Variants in SLC12A2 observed in about 807,000 individuals in gnomAD.
SLC12A2 encodes solute carrier family 12 member 2, also known as Na-K-2Cl cotransporter 1.
In SLC12A2, 67 loss-of-function variants were observed where a neutral mutation model predicts 136.3. The observed-to-expected ratio is 0.49, with a 90% CI of 0.40 to 0.60. The LOEUF is 0.60. SLC12A2 is among the 20% of genes least tolerant of loss of function. The probability of loss-of-function intolerance (pLI) is 0.00; values close to 1 mark genes in which losing one functional copy is unlikely to be tolerated. For synonymous variants in SLC12A2, 619 were observed against 562.9 expected (o/e 1.10, Z -1.41); for missense variants, 1,322 against 1,534.7 (o/e 0.86, Z 2.32).
At position 128,183,001 on chromosome 5, in the gene SLC12A2, A is replaced by T. The variant is rs1024767476; in HGVS notation, c.3299+60A>T. On this transcript the variant is annotated intron_variant, in intron 24 of 26. Coordinates refer to ENST00000262461, the MANE Select transcript of SLC12A2 (RefSeq NM_001046.3). ...GATGGCCTACTCAGACACAGATTCA[A>T]CTTAATTAAAACCCAGAGATTTTTT... The T allele has an allele frequency of 2.9e-6, 3 of 1,020,334 alleles. No homozygotes were observed. In the African/African-American group the frequency reaches 4.8e-5, roughly 16 times the overall value. 63.2% of individuals were successfully genotyped at this position (1,020,334 alleles called of 1,614,324 possible).
chr5:128,109,904 C>T (rs924663251), intron 1 of SLC12A2: 1 of 801,760 alleles, frequency 1.2e-6, no homozygotes, highest in Admixed American at 1.7e-5. Flanking sequence ...CTGGCCTTTG[C>T]AAGATAGTGC....
At position 128,083,851 on chromosome 5, in the gene SLC12A2, C is replaced by T. The variant is rs910108284; in HGVS notation, c.-104C>T. ...CGCAGGCGGCGGGGAGAAAGACTCT[C>T]TCACCTGGTCTTGCGGCTGTGGCCA... On this transcript the variant is annotated 5_prime_UTR_variant, in exon 1 of 27. Transcript: ENST00000262461. The T allele has an allele frequency of 2.2e-5, 19 of 865,812 alleles. No homozygotes were observed. The African/African-American group carries it at 3.2e-4, about 14-fold the overall frequency. 53.6% of individuals were successfully genotyped at this position (865,812 alleles called of 1,614,324 possible).
chr5:128,114,143 T>G lies in SLC12A2; in HGVS notation c.877-69T>G, dbSNP rs1194253466. 2.6e-6 allele frequency: 3 copies of G among 1,139,964 alleles called. No individual in the cohort carries two copies. In the African/African-American group the frequency reaches 4.6e-5, roughly 17 times the overall value. The allele number at this position is 1,139,964 out of a possible 1,614,324, so 70.6% of individuals were successfully genotyped here. On this transcript the variant is annotated intron_variant, in intron 2 of 26. Transcript: ENST00000262461. Reference sequence around the variant, plus strand: ...AAATGCATGTTCTACTTTGACTGGTTTAATGCTTACTATATAATGTTTGAT... The same window carrying G: ...AAATGCATGTTCTACTTTGACTGGTGTAATGCTTACTATATAATGTTTGAT...
intron 1 of SLC12A2, among the ~76,000 whole-genome samples, chr5:128,092,804 G>A (rs972597179): frequency 4.6e-5 from 7 of 152,056 alleles, no homozygotes; most frequent in Middle Eastern, 3.2e-3. Flanking sequence ...AACAGTACTT[G>A]GCAGTTTGGT....
At chr5:128,153,794 AT>A (rs1261447795) in intron 15 of SLC12A2, among the ~76,000 whole-genome samples, 5 of 152,026 alleles carry the variant, frequency 3.3e-5, no homozygotes, top group African/African-American at 9.7e-5. Context: ...GTAATTGTTT[AT>A]TTTTTTGTTA....
intron 5 of SLC12A2, 89 bp from the exon 6 acceptor site, chr5:128,134,076 C>T (rs375848828): frequency 2.2e-5 from 15 of 679,822 alleles, no homozygotes; most frequent in African/African-American, 1.3e-4. Context: ...TGTAAGGCAC[C>T]GTAATATCTC....
At chr5:128,143,632 T>G (rs948499320) in intron 10 of SLC12A2, among the ~76,000 whole-genome samples, 1 of 152,044 alleles carries the variant, frequency 6.6e-6, no homozygotes, top group Non-Finnish European at 1.5e-5. Flanking sequence ...AGTTGTTTGT[T>G]AAGTCCTAGG....
intron 14 of SLC12A2, among the ~76,000 whole-genome samples, 154 bp downstream of exon 14, chr5:128,151,550 C>G (rs1049986276): frequency 2.7e-5 from 4 of 147,720 alleles, no homozygotes; most frequent in South Asian, 2.1e-4. Context: ...TTTCCAAACT[C>G]CTAAAGTTTT....
intron 1 of SLC12A2, chr5:128,109,607 A>G: frequency 1.3e-6 from 1 of 748,926 alleles, no homozygotes; most frequent in East Asian, 2.5e-5. Flanking sequence ...AAAAGCAGAC[A>G]TCGTCCTTCC....
intron 22 of SLC12A2, among the ~76,000 whole-genome samples, chr5:128,179,150 T>A (rs566023026): frequency 2.4e-4 from 36 of 152,300 alleles, no homozygotes; most frequent in Non-Finnish European, 4.6e-4. Context: ...ACTGAAAAGT[T>A]ACCCCACCCC....
chr5:128,084,840 T>G lies in SLC12A2; in HGVS notation c.756+130T>G, dbSNP rs1196153399. 1 of 1,062,428 alleles carries G rather than the reference T, an allele frequency of 9.4e-7. No individual in the cohort carries two copies. Among genetic ancestry groups the G allele is most frequent in the Non-Finnish European group, 1.3e-6 (1 of 758,756 alleles). 65.8% of individuals were successfully genotyped at this position (1,062,428 alleles called of 1,614,324 possible). On this transcript the variant is annotated intron_variant, in intron 1 of 26. Transcript: ENST00000262461. The surrounding 1 kb of genome is among the most constrained non-coding windows in gnomAD (Gnocchi z 5.6). ...TGCACGACTTGCTGGCATCTCTGGATTCAGCTGTCAAGGGTGGAATTGCCG... is the reference window on the plus strand; with the variant it reads ...TGCACGACTTGCTGGCATCTCTGGAGTCAGCTGTCAAGGGTGGAATTGCCG...
At chr5:128,143,347 C>G (rs1762430673) in intron 10 of SLC12A2, among the ~76,000 whole-genome samples, 1 of 152,042 alleles carries the variant, frequency 6.6e-6, no homozygotes, top group Non-Finnish European at 1.5e-5. Flanking sequence ...TAAAGTCATG[C>G]AGCATGAAAT....
At chr5:128,120,757 C>T (rs887623316) in intron 4 of SLC12A2, among the ~76,000 whole-genome samples, 1 of 151,886 alleles carries the variant, frequency 6.6e-6, no homozygotes, top group African/African-American at 2.4e-5. Context: ...ACACCTAATG[C>T]TAAATGACGA....
chr5:128,176,005 AT>A (rs146197311), intron 20 of SLC12A2, among the ~76,000 whole-genome samples: 6,111 of 152,042 alleles, frequency 0.04, 453 homozygotes, highest in African/African-American at 0.14. Context: ...TTAGTCAGTT[AT>A]TCTCAGTCAA....
At chr5:128,161,938 T>C (rs1763052637) in intron 17 of SLC12A2, 138 bp downstream of exon 17, 2 of 525,502 alleles carry the variant, frequency 3.8e-6, no homozygotes, top group Non-Finnish European at 3.0e-6. Flanking sequence ...AGTAAACTAC[T>C]TTGGCTCACC....
At chr5:128,184,717 T>TTATAGTTTTATGAACC (rs778846182) in intron 25 of SLC12A2, 72 bp from the exon 26 acceptor site, 11 of 1,603,640 alleles carry the variant, frequency 6.9e-6, no homozygotes, top group Non-Finnish European at 8.5e-6. Flanking sequence ...TTTTGTCTCC[T>TTATAGTTTTATGAACC]TATAGTTTTA....
chr5:128,174,074 G>A (rs1276279478), intron 19 of SLC12A2, among the ~76,000 whole-genome samples: 6 of 152,188 alleles, frequency 3.9e-5, no homozygotes, highest in Middle Eastern at 3.4e-3. Flanking sequence ...CACATACTAT[G>A]TATTACTGTC....
In SLC12A2 at chr5:128,147,873, C is replaced by T. The variant is rs1181557464; in HGVS notation, c.1881+144C>T. ...ATATATATATGCACATAAAGATATA[C>T]ATAGTTAATTTTATATGTGTGAATG... On this transcript the variant is annotated intron_variant, in intron 11 of 26. Transcript: ENST00000262461. 4.1e-5 allele frequency: 18 copies of T among 442,168 alleles called. No homozygotes were observed. The East Asian group carries it at 4.9e-4, about 12-fold the overall frequency. The allele number at this position is 442,168 out of a possible 1,614,324, so 27.4% of individuals were successfully genotyped here. A position where few individuals can be genotyped will look rare whatever the true frequency, so the allele number is the denominator to read the frequency against.
chr5:128,158,867 T>G (rs1223730726), intron 16 of SLC12A2, among the ~76,000 whole-genome samples: 1 of 26,372 alleles, frequency 3.8e-5, no homozygotes, highest in African/African-American at 6.0e-5. Flanking sequence ...GCATCTGTGT[T>G]TTTTTTTTTT....
Sources: gnomAD v4.1 joint callset for allele counts (sites outside exome capture counted in the v4.1 genomes callset) on GRCh38, gnomAD v4.1.1 for gene constraint, Gnocchi (gnomAD v3.1) non-coding constraint, MANE v1.5 for transcripts, NCBI Gene and HGNC (gene_info 2026-07-23, HGNC 2026-07-21) for gene names.